The following ZDHHC3 variants were observed in gnomAD, a reference collection of about 807,000 sequenced individuals.
The protein encoded by ZDHHC3 is palmitoyltransferase ZDHHC3.
In ZDHHC3, 9 loss-of-function variants were observed where a neutral mutation model predicts 30.6. The observed-to-expected ratio is 0.29, with a 90% CI of 0.18 to 0.51. The LOEUF (loss-of-function observed/expected upper bound fraction) is 0.51. Ranked by LOEUF, ZDHHC3 falls within the 20% of genes least tolerant of loss-of-function variation. The pLI, the probability that ZDHHC3 is intolerant of heterozygous loss-of-function variation, is 0.97. For synonymous variants in ZDHHC3, 136 were observed against 140.2 expected, an observed-to-expected ratio of 0.97 and a Z score of 0.21; for missense variants, 246 against 384.2, an observed-to-expected ratio of 0.64 and a Z score of 3.01.
Position 44,916,620 on chromosome 3 carries a change from G to A in ZDHHC3, c.*10069C>T, listed in dbSNP as rs1700187261. 6.6e-6 allele frequency: 1 copy of A among 152,286 alleles called. No individual in the cohort carries two copies. Among genetic ancestry groups the A allele is most frequent in the Non-Finnish European group, 1.5e-5 (1 of 68,092 alleles). The allele number at this position is 152,286 out of a possible 1,614,324, so 9.4% of individuals were successfully genotyped here. Reference sequence around the variant, plus strand: ...GAAATGGGCCAAAGAGAGGAACAAAGGCACGTGGAGGGAGTGGGTGGTGAA... The same window carrying A: ...GAAATGGGCCAAAGAGAGGAACAAAAGCACGTGGAGGGAGTGGGTGGTGAA... On this transcript the variant is annotated 3_prime_UTR_variant, in exon 7 of 7. Coordinates refer to ENST00000424952, the MANE Select transcript of ZDHHC3 (RefSeq NM_001135179.2).
In ZDHHC3 at chr3:44,931,999, T is replaced by C. The variant is rs920475084; in HGVS notation, c.610+1119A>G. Among the ~76,000 whole-genome samples, 5 of 152,140 alleles carry C rather than the reference T, an allele frequency of 3.3e-5. No homozygotes were observed. In the East Asian group the frequency reaches 9.6e-4, roughly 29 times the overall value. On this transcript the variant is annotated intron_variant, in intron 5 of 6. Coordinates refer to ENST00000424952, the MANE Select transcript of ZDHHC3 (RefSeq NM_001135179.2). Reference sequence around the variant, plus strand: ...AGCACCATTACAACAACAGGGACATTTTGCCTCACTGACAGTCTGTGCTAC... The same window carrying C: ...AGCACCATTACAACAACAGGGACATCTTGCCTCACTGACAGTCTGTGCTAC...
At position 44,922,294 on chromosome 3, in the gene ZDHHC3, T is replaced by C; in HGVS notation, c.*4395A>G. The stretch of plus-strand genomic sequence containing the variant: ...TACAATGCCCCTGGCTCTAGACTAC[T>C]CACCGGCCGCCGCTCCCATCTGGAG... On this transcript the variant is annotated 3_prime_UTR_variant, in exon 7 of 7. Transcript: ENST00000424952. 1 of 985,474 alleles carries C rather than the reference T, an allele frequency of 1.0e-6. No homozygotes were observed. The highest frequency in any genetic ancestry group is 1.2e-6 in the Non-Finnish European group (1 of 829,938). The allele number at this position is 985,474 out of a possible 1,614,324, so 61.0% of individuals were successfully genotyped here. A position where few individuals can be genotyped will look rare whatever the true frequency, so the allele number is the denominator to read the frequency against.
At chr3:44,943,686 T>C (rs1387982526) in intron 3 of ZDHHC3, among the ~76,000 whole-genome samples, 1 of 152,206 alleles carries the variant, frequency 6.6e-6, no homozygotes. Flanking sequence ...AGTGATATTT[T>C]TGTATTTCTG....
intron 3 of ZDHHC3, among the ~76,000 whole-genome samples, 170 bp downstream of exon 3, chr3:44,944,998 A>G (rs1212626657): frequency 6.6e-6 from 1 of 152,224 alleles, no homozygotes; most frequent in Non-Finnish European, 1.5e-5. Flanking sequence ...GGGACCAGGA[A>G]GGAGACTCAC....
intron 3 of ZDHHC3, chr3:44,938,014 C>T (rs191958430): frequency 1.1e-4 from 41 of 390,362 alleles, no homozygotes; most frequent in African/African-American, 6.2e-4. Context: ...GACAGAGTCT[C>T]GCTCTGTTGC....
intron 3 of ZDHHC3, among the ~76,000 whole-genome samples, chr3:44,939,231 G>C (rs1274037131): frequency 1.3e-5 from 2 of 152,204 alleles, no homozygotes; most frequent in Non-Finnish European, 2.9e-5. Flanking sequence ...AGAAGTACCA[G>C]CAAGTCCATT....
rs1700623952 is a variant in ZDHHC3 at position 44,921,958 on chromosome 3, C to A, written c.*4731G>T. ...CAGCGCTTGTCCTCACTCCTTGGAT[C>A]AGCTTCATCGGCTCCTCCTGTGGGC... On this transcript the variant is annotated 3_prime_UTR_variant, in exon 7 of 7. Coordinates refer to ENST00000424952, the MANE Select transcript of ZDHHC3 (RefSeq NM_001135179.2). 10 of 985,470 alleles carry A rather than the reference C, an allele frequency of 1.0e-5. No homozygotes were observed. The highest frequency in any genetic ancestry group is 1.2e-5 in the Non-Finnish European group (10 of 829,936). 61.0% of individuals were successfully genotyped at this position (985,470 alleles called of 1,614,324 possible). A position where few individuals can be genotyped will look rare whatever the true frequency, so the allele number is the denominator to read the frequency against.
At chr3:44,945,114 T>C in intron 3 of ZDHHC3, 54 bp downstream of exon 3, 20 of 1,609,268 alleles carry the variant, frequency 1.2e-5, no homozygotes, top group Non-Finnish European at 1.5e-5. Flanking sequence ...TTGGCGGGGA[T>C]GGAGGGAGGC....
chr3:44,920,948 G>A lies in ZDHHC3; in HGVS notation c.*5741C>T. 6.1e-6 allele frequency: 6 copies of A among 985,436 alleles called. No homozygotes were observed. The South Asian group carries it at 2.3e-4, about 39-fold the overall frequency. 61.0% of individuals were successfully genotyped at this position (985,436 alleles called of 1,614,324 possible). A position where few individuals can be genotyped will look rare whatever the true frequency, so the allele number is the denominator to read the frequency against. Reference sequence around the variant, plus strand: ...AATGGGCTGAGGGCTGCTTTTTCCTGGTAGGACTCAATTTTGAGTTTTGTG... The same window carrying A: ...AATGGGCTGAGGGCTGCTTTTTCCTAGTAGGACTCAATTTTGAGTTTTGTG... On this transcript the variant is annotated 3_prime_UTR_variant, in exon 7 of 7. Transcript: ENST00000424952.
chr3:44,922,354 G>C lies in ZDHHC3; in HGVS notation c.*4335C>G. On this transcript the variant is annotated 3_prime_UTR_variant, in exon 7 of 7. Transcript: ENST00000424952. ...TTCTACTCTTTTCTCTTTCCCTTCC[G>C]GGCTGCTTCTTCACCCAAAGGGCCC... 1.0e-6 allele frequency: 1 copy of C among 985,318 alleles called. No homozygotes were observed. Among genetic ancestry groups the C allele is most frequent in the Non-Finnish European group, 1.2e-6 (1 of 829,910 alleles). 61.0% of individuals were successfully genotyped at this position (985,318 alleles called of 1,614,324 possible).
At chr3:44,948,236 C>T (rs75470864) in intron 2 of ZDHHC3, among the ~76,000 whole-genome samples, 5,146 of 152,140 alleles carry the variant, frequency 0.034, 248 homozygotes, top group African/African-American at 0.11. Flanking sequence ...AGAGTTGGAC[C>T]GATGGATTAT....
At chr3:44,933,298 C>T (rs551566504) in intron 4 of ZDHHC3, 99 bp from the exon 5 acceptor site, 38 of 1,117,518 alleles carry the variant, frequency 3.4e-5, no homozygotes, top group South Asian at 2.1e-4. Context: ...CTCAGGAACA[C>T]TTAGTCAGGA....
chr3:44,974,815 C>T (rs534914944), intron 1 of ZDHHC3, among the ~76,000 whole-genome samples: 1 of 152,224 alleles, frequency 6.6e-6, no homozygotes, highest in African/African-American at 2.4e-5. Flanking sequence ...AGCACTTCCT[C>T]TCTATAACCT....
chr3:44,975,812 A>C, intron 1 of ZDHHC3, 121 bp downstream of exon 1: 1 of 153,688 alleles, frequency 6.5e-6, no homozygotes, highest in Non-Finnish European at 1.4e-5. Context: ...ACACGCTCCT[A>C]AGTCAACTCC....
chr3:44,922,401 C>T lies in ZDHHC3; in HGVS notation c.*4288G>A, dbSNP rs1010183236. 1 of 985,432 alleles carries T rather than the reference C, an allele frequency of 1.0e-6. No homozygotes were observed. The highest frequency in any genetic ancestry group is 1.2e-6 in the Non-Finnish European group (1 of 829,930). 61.0% of individuals were successfully genotyped at this position (985,432 alleles called of 1,614,324 possible). ...GCCCTTGGTCTAGAGATGGGTTCCACTGATGAGATGCACAAGGAGTGGTGG... is the reference window on the plus strand; with the variant it reads ...GCCCTTGGTCTAGAGATGGGTTCCATTGATGAGATGCACAAGGAGTGGTGG... On this transcript the variant is annotated 3_prime_UTR_variant, in exon 7 of 7. Coordinates refer to ENST00000424952, the MANE Select transcript of ZDHHC3 (RefSeq NM_001135179.2).
intron 1 of ZDHHC3, among the ~76,000 whole-genome samples, chr3:44,964,551 G>C (rs1704767292): frequency 6.6e-6 from 1 of 152,174 alleles, no homozygotes; most frequent in South Asian, 2.1e-4. Flanking sequence ...TAATGAGATG[G>C]GATTTCATCC....
chr3:44,924,570 A>C lies in ZDHHC3; in HGVS notation c.*2119T>G. The C allele has an allele frequency of 6.1e-6, 6 of 985,452 alleles. No individual in the cohort carries two copies. Among genetic ancestry groups the C allele is most frequent in the Non-Finnish European group, 7.2e-6 (6 of 829,932 alleles). The allele number at this position is 985,452 out of a possible 1,614,324, so 61.0% of individuals were successfully genotyped here. A position where few individuals can be genotyped will look rare whatever the true frequency, so the allele number is the denominator to read the frequency against. On this transcript the variant is annotated 3_prime_UTR_variant, in exon 7 of 7. Coordinates refer to ENST00000424952, the MANE Select transcript of ZDHHC3 (RefSeq NM_001135179.2). Reference sequence around the variant, plus strand: ...AGTTTCTATTTTTAGGACTAAAAAAAAGTCAGTGCATCTTCAGCACTATCT... The same window carrying C: ...AGTTTCTATTTTTAGGACTAAAAAACAGTCAGTGCATCTTCAGCACTATCT...
Position 44,918,239 on chromosome 3 carries a change from G to A in ZDHHC3, c.*8450C>T, listed in dbSNP as rs1029582904. On this transcript the variant is annotated 3_prime_UTR_variant, in exon 7 of 7. Transcript: ENST00000424952. ...AGCTATAGCATAGCAGTGGCGGGGGGGGGGGCGGGGTGTCCACGGCATGGG... is the reference window on the plus strand; with the variant it reads ...AGCTATAGCATAGCAGTGGCGGGGGAGGGGGCGGGGTGTCCACGGCATGGG... 7 of 1,216,244 alleles carry A rather than the reference G, an allele frequency of 5.8e-6. No homozygotes were observed. Among genetic ancestry groups the A allele is most frequent in the Non-Finnish European group, 7.4e-6 (7 of 948,518 alleles). 75.3% of individuals were successfully genotyped at this position (1,216,244 alleles called of 1,614,324 possible). A position where few individuals can be genotyped will look rare whatever the true frequency, so the allele number is the denominator to read the frequency against.
Position 44,920,322 on chromosome 3 carries a change from G to A in ZDHHC3, c.*6367C>T, listed in dbSNP as rs1358024842. 1 of 1,289,702 alleles carries A rather than the reference G, an allele frequency of 7.8e-7. No homozygotes were observed. The highest frequency in any genetic ancestry group is 1.2e-5 in the South Asian group (1 of 81,020). 79.9% of individuals were successfully genotyped at this position (1,289,702 alleles called of 1,614,324 possible). On this transcript the variant is annotated 3_prime_UTR_variant, in exon 7 of 7. Coordinates refer to ENST00000424952, the MANE Select transcript of ZDHHC3 (RefSeq NM_001135179.2). ...TTGGGCATTCTGCATTCTCTTCCTG[G>A]GTGATCATCTGCAGCCTGTTGAGAA... is the stretch of plus-strand genomic sequence containing the variant.
Sources: allele counts gnomAD v4.1 joint callset (sites outside exome capture counted in the v4.1 genomes callset), GRCh38; gene constraint gnomAD v4.1.1; transcripts MANE v1.5; gene names NCBI Gene and HGNC (gene_info 2026-07-23, HGNC 2026-07-21).